The following EXOC4 variants were observed in gnomAD, a reference collection of about 807,000 sequenced individuals.
The protein encoded by EXOC4 is SEC8-like 1.
Under a neutral mutation model 107.2 loss-of-function variants are expected in EXOC4, and 71 were observed. The ratio of observed to expected loss-of-function variants is 0.66; its 90% CI spans 0.55 to 0.81. The LOEUF (loss-of-function observed/expected upper bound fraction) is 0.81, where lower values mean the gene tolerates loss of function less well. EXOC4 is among the 30% of genes least tolerant of loss of function. EXOC4 has a pLI of 0.00. For missense variants in EXOC4, 1,108 were observed against 1,189.6 expected (o/e 0.93, Z 1.01); for synonymous variants, 456 against 441.2 (o/e 1.03, Z -0.42).
chr7:134,068,269 T>C (rs529512481), downstream of EXOC4, among the ~76,000 whole-genome samples: 2 of 152,288 alleles, frequency 1.3e-5, no homozygotes, highest in East Asian at 3.9e-4. Flanking sequence ...CATCTTGAAT[T>C]GCAGCTCCCA....
chr7:133,427,927 T>G (rs1797765128), intron 7 of EXOC4, among the ~76,000 whole-genome samples: 1 of 152,180 alleles, frequency 6.6e-6, no homozygotes, highest in Non-Finnish European at 1.5e-5. Flanking sequence ...GAGAATCAAT[T>G]TCCTTATTAC....
chr7:133,991,716 C>T (rs1406676055), intron 14 of EXOC4, among the ~76,000 whole-genome samples: 1 of 152,132 alleles, frequency 6.6e-6, no homozygotes, highest in African/African-American at 2.4e-5. Context: ...ACTGCCCTTT[C>T]CCCAATGTGT....
chr7:133,550,267 C>G (rs1800559822), intron 9 of EXOC4, among the ~76,000 whole-genome samples: 1 of 152,116 alleles, frequency 6.6e-6, no homozygotes, highest in Admixed American at 6.5e-5. Flanking sequence ...AGCACAATGC[C>G]AAGTACATAG....
chr7:133,698,486 G>A (rs967889074), intron 10 of EXOC4, among the ~76,000 whole-genome samples: 1 of 151,780 alleles, frequency 6.6e-6, no homozygotes, highest in Non-Finnish European at 1.5e-5. Context: ...GGAGGCTGAG[G>A]TGGGAGATGC....
chr7:133,528,834 T>A (rs1417568296), intron 9 of EXOC4, among the ~76,000 whole-genome samples: 1 of 152,160 alleles, frequency 6.6e-6, no homozygotes, highest in African/African-American at 2.4e-5. Flanking sequence ...AAGGGTTTTT[T>A]TCTTCTTCTT....
chr7:133,961,088 G>T (rs1239462719), intron 14 of EXOC4, among the ~76,000 whole-genome samples: 1 of 152,026 alleles, frequency 6.6e-6, no homozygotes, highest in Non-Finnish European at 1.5e-5. Context: ...GTAATTTAAG[G>T]GCTCTTAAAA....
At chr7:133,913,303 A>C (rs1172010683) in intron 12 of EXOC4, among the ~76,000 whole-genome samples, 1 of 152,168 alleles carries the variant, frequency 6.6e-6, no homozygotes, top group Non-Finnish European at 1.5e-5. Flanking sequence ...CTGGAATTAG[A>C]AGTCACTGAA....
chr7:133,920,133 CAT>C (rs1352726708), intron 13 of EXOC4, among the ~76,000 whole-genome samples: 26 of 152,154 alleles, frequency 1.7e-4, no homozygotes, highest in African/African-American at 5.8e-4. Context: ...TTCCTAATGA[CAT>C]GTGATGTTGA....
chr7:133,804,653 T>G (rs1365909643), intron 10 of EXOC4, among the ~76,000 whole-genome samples: 1 of 152,168 alleles, frequency 6.6e-6, no homozygotes, highest in Non-Finnish European at 1.5e-5. Flanking sequence ...CCAGTCACAT[T>G]TTTGACATAT....
At chr7:133,822,110 C>G (rs182139159) in intron 11 of EXOC4, among the ~76,000 whole-genome samples, 2 of 152,240 alleles carry the variant, frequency 1.3e-5, no homozygotes, top group Admixed American at 1.3e-4. Flanking sequence ...TGCAGAATGG[C>G]CTCCACCTGT....
At chr7:133,746,248 C>G (rs369992364) in intron 10 of EXOC4, among the ~76,000 whole-genome samples, 1 of 152,066 alleles carries the variant, frequency 6.6e-6, no homozygotes, top group Non-Finnish European at 1.5e-5. Context: ...TAATTTTCCC[C>G]TATTCTGTTT....
intron 5 of EXOC4, among the ~76,000 whole-genome samples, chr7:133,338,109 A>G (rs1795562228): frequency 6.9e-6 from 1 of 145,530 alleles, no homozygotes; most frequent in Non-Finnish European, 1.5e-5. Flanking sequence ...TTTTATCATT[A>G]TTTCTGTCTT....
intron 7 of EXOC4, among the ~76,000 whole-genome samples, chr7:133,408,080 A>G (rs563828813): frequency 4.9e-4 from 75 of 152,208 alleles, no homozygotes; most frequent in African/African-American, 1.0e-3. Flanking sequence ...GGTGTAATAG[A>G]TGATGATGGT....
At chr7:133,913,655 A>C (rs1351559992) in intron 12 of EXOC4, among the ~76,000 whole-genome samples, 1 of 152,194 alleles carries the variant, frequency 6.6e-6, no homozygotes, top group Non-Finnish European at 1.5e-5. Context: ...AGAGAGAAGT[A>C]GTTAGTAAAT....
At chr7:133,656,142 A>T (rs1456616392) in intron 10 of EXOC4, among the ~76,000 whole-genome samples, 1 of 152,252 alleles carries the variant, frequency 6.6e-6, no homozygotes, top group African/African-American at 2.4e-5. Context: ...CTGTAATAGG[A>T]TATATTGCCT....
chr7:133,952,443 C>T (rs1017364922), intron 14 of EXOC4, among the ~76,000 whole-genome samples: 1 of 152,174 alleles, frequency 6.6e-6, no homozygotes, highest in African/African-American at 2.4e-5. Flanking sequence ...TTCTGGGAGT[C>T]TCAGTTCTGC....
chr7:133,451,703 C>T (rs1349624284), intron 7 of EXOC4, among the ~76,000 whole-genome samples: 1 of 152,062 alleles, frequency 6.6e-6, no homozygotes, highest in Non-Finnish European at 1.5e-5. Context: ...TGATAGCCAC[C>T]CATAGTTCAC....
At chr7:133,491,533 A>C (rs1799371119) in intron 9 of EXOC4, among the ~76,000 whole-genome samples, 1 of 152,138 alleles carries the variant, frequency 6.6e-6, no homozygotes, top group African/African-American at 2.4e-5. Flanking sequence ...TAGGTTATTC[A>C]TCTGTGTAAT....
At chr7:133,535,332 A>G (rs910552775) in intron 9 of EXOC4, among the ~76,000 whole-genome samples, 2 of 152,110 alleles carry the variant, frequency 1.3e-5, no homozygotes, top group African/African-American at 4.8e-5. Flanking sequence ...AGCTACAGTA[A>G]TTTTGTCTTT....
Sources: gnomAD v4.1 joint callset for allele counts (sites outside exome capture counted in the v4.1 genomes callset) on GRCh38, gnomAD v4.1.1 for gene constraint, MANE v1.5 for transcripts, NCBI Gene and HGNC (gene_info 2026-07-23, HGNC 2026-07-21) for gene names.